DNAJC5G: variants seen among roughly 807,000 people sequenced by gnomAD.
DNAJC5G encodes the protein dnaJ homolog subfamily C member 5G.
Under a neutral mutation model 19.1 loss-of-function variants are expected in DNAJC5G, and 13 were observed. The ratio of observed to expected loss-of-function variants is 0.68; its 90% CI spans 0.44 to 1.08. The LOEUF (loss-of-function observed/expected upper bound fraction) is 1.08, where lower values mean the gene tolerates loss of function less well. DNAJC5G is among the 50% of genes least tolerant of loss of function. DNAJC5G has a pLI of 0.00. For missense variants in DNAJC5G, 245 were observed against 230.4 expected (o/e 1.06, Z -0.41); for synonymous variants, 81 against 84.4 (o/e 0.96, Z 0.22).
chr2:27,277,685 A>G, intron 3 of DNAJC5G, 69 bp from the exon 4 acceptor site: 1 of 1,580,482 alleles, frequency 6.3e-7, no homozygotes. Context: ...TTTGTACCAC[A>G]TCTCATGCAT....
rs779976641 is a variant in DNAJC5G, at chr2:27,277,925, C to A, written c.285C>A (p.Asp95Glu). 3 of 1,614,076 alleles carry A rather than the reference C, an allele frequency of 1.9e-6. No homozygotes were observed. The highest frequency in any genetic ancestry group is 8.5e-7 in the Non-Finnish European group (1 of 1,180,054). Residue 95 changes from aspartate (D) to glutamate (E), a missense_variant, in exon 4 of 7, where the codon GAC (aspartate) becomes GAA (glutamate). By Grantham distance (45) the Asp-to-Glu change is conservative. Coordinates refer to ENST00000296097, the MANE Select transcript of DNAJC5G (RefSeq NM_173650.3). ...ACTCTAAGAAGCGGAAAATTTACGA[C>A]CAGCATGGCTCATTGGGAATATATC... Reference protein sequence around the residue: ...LSDSKKRKIYDQHGSLGIYLY... With the variant: ...LSDSKKRKIYEQHGSLGIYLY...
Position 27,278,206 on chromosome 2 carries a change from A to G in DNAJC5G, c.394A>G (p.Thr132Ala). 6.2e-7 allele frequency: 1 copy of G among 1,614,098 alleles called. No individual in the cohort carries two copies. The highest frequency in any genetic ancestry group is 8.5e-7 in the Non-Finnish European group (1 of 1,180,028). Residue 132 changes from threonine to alanine, a missense_variant, in exon 5 of 7, where the codon ACT (threonine) becomes GCT (alanine). Coordinates refer to ENST00000296097, the MANE Select transcript of DNAJC5G (RefSeq NM_173650.3). ...CWFKTLVILC[T>A]LLTCCCFCCC... ...CTTTTAGACACTTGTCATCCTGTGT[A>G]CTCTGCTCACTTGTTGCTGTTTCTG...
Position 27,280,567 on chromosome 2 carries a change from T to G in DNAJC5G, c.*157T>G, listed in dbSNP as rs909698898. 4 of 216,788 alleles carry G rather than the reference T, an allele frequency of 1.8e-5. No individual in the cohort carries two copies. Among genetic ancestry groups the G allele is most frequent in the Non-Finnish European group, 3.8e-5 (4 of 104,528 alleles). The allele number at this position is 216,788 out of a possible 1,614,324, so 13.4% of individuals were successfully genotyped here. On this transcript the variant is annotated 3_prime_UTR_variant, in exon 7 of 7. Transcript: ENST00000296097. ...ATCTCAAGAATCTCTTCAGAAGCAC[T>G]GATGACGTTGATCCCAGTAAGGACA...
chr2:27,278,110 CAGG>C (rs1471465052), intron 4 of DNAJC5G, 75 bp from the exon 5 acceptor site: 1 of 1,609,906 alleles, frequency 6.2e-7, no homozygotes, highest in African/African-American at 1.3e-5. Context: ...TTCTGGGTGC[CAGG>C]AGGATTGAGG....
In DNAJC5G at chr2:27,280,163, TAGG is replaced by T. The variant is rs770024566; in HGVS notation, c.521_523del (p.Gly174del). On this transcript the variant is annotated splice_acceptor_variant and coding_sequence_variant, in exon 6 of 7. Transcript: ENST00000296097. LOFTEE classifies it high-confidence loss of function. ...TGTAAACATATATATAATTCCATCA[TAGG>T]AGCCAAATGTGATTTTAGAAGCGAG... 2.5e-6 allele frequency: 4 copies of T among 1,613,610 alleles called. No homozygotes were observed. In the Admixed American group the frequency reaches 6.7e-5, roughly 27 times the overall value.
intron 5 of DNAJC5G, among the ~76,000 whole-genome samples, chr2:27,278,874 G>A (rs547142667): frequency 2.2e-4 from 33 of 150,918 alleles, no homozygotes; most frequent in African/African-American, 6.8e-4. Context: ...GTGTGGTGGC[G>A]GGCGCCTGTA....
chr2:27,279,075 TC>T (rs1282842684), intron 5 of DNAJC5G, among the ~76,000 whole-genome samples: 1 of 150,142 alleles, frequency 6.7e-6, no homozygotes, highest in African/African-American at 2.5e-5. Context: ...GGCAGGTTAA[TC>T]CCTAAATATG....
chr2:27,279,488 G>T (rs1016211701), intron 5 of DNAJC5G, among the ~76,000 whole-genome samples: 3 of 152,030 alleles, frequency 2.0e-5, no homozygotes, highest in African/African-American at 7.2e-5. Flanking sequence ...GTAGAGTCAG[G>T]GTTTCGCCAT....
At chr2:27,278,483 C>T (rs1162038218) in intron 5 of DNAJC5G, 151 bp downstream of exon 5, 5 of 1,192,522 alleles carry the variant, frequency 4.2e-6, no homozygotes, top group Non-Finnish European at 4.6e-6. Context: ...GAGTTGGAGA[C>T]AAGCCTGGCC....
At chr2:27,276,679 C>G (rs746633419) in intron 2 of DNAJC5G, 47 bp from the exon 3 acceptor site, 1 of 1,577,724 alleles carries the variant, frequency 6.3e-7, no homozygotes. Flanking sequence ...TTCTCGGTAC[C>G]CTTACTTGTA....
chr2:27,278,320 C>T lies in DNAJC5G; in HGVS notation c.508C>T (p.Pro170Ser), dbSNP rs1178611965. Residue 170 changes from proline (P) to serine (S), a missense_variant, in exon 5 of 7, where the codon CCT becomes TCT. Pro to Ser is a moderately conservative substitution (Grantham distance 74). Transcript: ENST00000296097. ...RKYQQNVQSQ[P>S]PRSGAKCDFR... ...ATATCAGCAGAATGTCCAGAGTCAG[C>T]CTCCAAGGTCAGGTGAGAACTGCAA... is the stretch of plus-strand genomic sequence containing the variant. The T allele has an allele frequency of 1.2e-6, 2 of 1,614,066 alleles. No homozygotes were observed. Among genetic ancestry groups the T allele is most frequent in the Non-Finnish European group, 1.7e-6 (2 of 1,180,018 alleles).
chr2:27,277,703 G>A, intron 3 of DNAJC5G, 51 bp from the exon 4 acceptor site: 1 of 1,604,950 alleles, frequency 6.2e-7, no homozygotes, highest in Non-Finnish European at 8.5e-7. Flanking sequence ...CATTCCTTCT[G>A]CACTCTCTAG....
chr2:27,277,107 A>G (rs1441407940), intron 3 of DNAJC5G, among the ~76,000 whole-genome samples: 1 of 151,680 alleles, frequency 6.6e-6, no homozygotes, highest in Non-Finnish European at 1.5e-5. Context: ...ACGCCTGGCT[A>G]ATTTTTGTAT....
chr2:27,276,411 C>G (rs1678076211), intron 2 of DNAJC5G, 24 bp downstream of exon 2: 2 of 225,338 alleles, frequency 8.9e-6, no homozygotes, highest in Non-Finnish European at 1.7e-5. Flanking sequence ...TAGACAAAAT[C>G]AGGCTCTTTT....
At chr2:27,276,618 T>A (rs1404760598) in intron 2 of DNAJC5G, 108 bp from the exon 3 acceptor site, 1 of 877,762 alleles carries the variant, frequency 1.1e-6, no homozygotes, top group Non-Finnish European at 1.7e-6. Context: ...CTGTCATCGT[T>A]TACCTGCCTA....
chr2:27,277,455 G>C (rs1014398455), intron 3 of DNAJC5G, among the ~76,000 whole-genome samples: 1 of 151,646 alleles, frequency 6.6e-6, no homozygotes, highest in Non-Finnish European at 1.5e-5. Flanking sequence ...GTAGAGACAG[G>C]GTTTCACCAT....
At chr2:27,276,921 C>CAA in intron 3 of DNAJC5G, 80 bp downstream of exon 3, 1 of 763,042 alleles carries the variant, frequency 1.3e-6, no homozygotes, top group Non-Finnish European at 1.9e-6. Context: ...TGCTATCTGA[C>CAA]TCTTTTTTTT....
rs11901826 is a variant in DNAJC5G at position 27,278,175 on chromosome 2, G to A, written c.376-13G>A. 15,262 of 1,614,040 alleles carry A rather than the reference G, an allele frequency of 9.5e-3. 1,222 individuals carry two copies. The African/African-American group carries it at 0.18, about 19-fold the overall frequency. On this transcript the variant is annotated splice_polypyrimidine_tract_variant and intron_variant, in intron 4 of 6. Coordinates refer to ENST00000296097, the MANE Select transcript of DNAJC5G (RefSeq NM_173650.3). ...AAACTGCTGGACTGAGGCCATTCTCGCCTACCTTTTAGACACTTGTCATCC... is the reference window on the plus strand; with the variant it reads ...AAACTGCTGGACTGAGGCCATTCTCACCTACCTTTTAGACACTTGTCATCC...
chr2:27,277,086 C>T (rs575044825), intron 3 of DNAJC5G, among the ~76,000 whole-genome samples: 1 of 152,086 alleles, frequency 6.6e-6, no homozygotes, highest in East Asian at 1.9e-4. Context: ...GGACTACAGG[C>T]GTGCACCACC....
Sources: allele counts gnomAD v4.1 joint callset (sites outside exome capture counted in the v4.1 genomes callset), GRCh38; gene constraint gnomAD v4.1.1; transcripts MANE v1.5; gene names NCBI Gene and HGNC (gene_info 2026-07-23, HGNC 2026-07-21).